The following JPH1 variants were observed in gnomAD, a reference collection of about 807,000 sequenced individuals.
JPH1 encodes junctophilin 1.
Under a neutral mutation model 53.6 loss-of-function variants are expected in JPH1, and 12 were observed. The ratio of observed to expected loss-of-function variants is 0.22; its 90% CI spans 0.14 to 0.36. JPH1 has a LOEUF of 0.36. Among genes scored for constraint, JPH1 ranks in the 10% least tolerant of loss-of-function variants. JPH1 has a pLI of 1.00. For missense variants in JPH1, 808 were observed against 905.5 expected, an observed-to-expected ratio of 0.89 and a Z score of 1.38; for synonymous variants, 375 against 363.8, an observed-to-expected ratio of 1.03 and a Z score of -0.35.
At chr8:74,268,037 T>C (rs536997272) in intron 2 of JPH1, among the ~76,000 whole-genome samples, 2 of 152,302 alleles carry the variant, frequency 1.3e-5, no homozygotes, top group South Asian at 2.1e-4. Context: ...CACCCCACTT[T>C]ATCACATGTT....
At chr8:74,295,087 C>T (rs1807466572) in intron 2 of JPH1, among the ~76,000 whole-genome samples, 1 of 152,166 alleles carries the variant, frequency 6.6e-6, no homozygotes, top group South Asian at 2.1e-4. Context: ...CAAATGAGAG[C>T]TCCTAATCCT....
At chr8:74,305,221 G>T (rs1225451118) in intron 2 of JPH1, among the ~76,000 whole-genome samples, 3 of 152,232 alleles carry the variant, frequency 2.0e-5, no homozygotes, top group Non-Finnish European at 2.9e-5. Flanking sequence ...AGTAAAGTGA[G>T]ATTGGCAGAG....
Position 74,315,430 on chromosome 8 carries a change from G to A in JPH1, c.570C>T (p.Arg190=), listed in dbSNP as rs777697509. 5 of 1,611,732 alleles carry A rather than the reference G, an allele frequency of 3.1e-6. No homozygotes were observed. The highest frequency in any genetic ancestry group is 2.2e-5 in the East Asian group (1 of 44,840). The part of the protein sequence containing the change: ...AAAADSPAGT[R]GGFVLNFHAD... ...CGTGGAAGTTGAGCACGAAACCGCC[G>A]CGGGTGCCGGCCGGGCTGTCGGCGG... Residue 190 remains arginine, a synonymous_variant, in exon 2 of 6, where the codon CGC becomes CGT. Coordinates refer to ENST00000342232, the MANE Select transcript of JPH1 (RefSeq NM_020647.4). This position sits in a 1 kb window ranked among gnomAD's most constrained non-coding sequence, Gnocchi z 6.3.
chr8:74,257,882 C>T (rs1806282669), intron 3 of JPH1, among the ~76,000 whole-genome samples: 1 of 152,114 alleles, frequency 6.6e-6, no homozygotes, highest in Non-Finnish European at 1.5e-5. Flanking sequence ...ATTCAACAAC[C>T]ACCTTGGGTC....
At chr8:74,316,158 A>G (rs1808151418) in intron 1 of JPH1, among the ~76,000 whole-genome samples, 1 of 152,238 alleles carries the variant, frequency 6.6e-6, no homozygotes. Flanking sequence ...ATTTTCTGCT[A>G]CATTCAGCAT....
At chr8:74,295,671 TC>T (rs1419969260) in intron 2 of JPH1, among the ~76,000 whole-genome samples, 4 of 152,084 alleles carry the variant, frequency 2.6e-5, no homozygotes, top group African/African-American at 9.7e-5. Flanking sequence ...TTTAATAAGG[TC>T]CCAGAGTCTT....
chr8:74,245,295 A>G lies in JPH1; in HGVS notation c.1259-120T>C, dbSNP rs1805825750. 3.6e-6 allele frequency: 3 copies of G among 827,408 alleles called. No individual in the cohort carries two copies. In the South Asian group the frequency reaches 8.4e-5, roughly 23 times the overall value. The allele number at this position is 827,408 out of a possible 1,614,324, so 51.3% of individuals were successfully genotyped here. ...TATATTCATAAGGCTTTGACTAAACACATATTTCATTCTCTGGGGAAAAGT... is the reference window on the plus strand; with the variant it reads ...TATATTCATAAGGCTTTGACTAAACGCATATTTCATTCTCTGGGGAAAAGT... On this transcript the variant is annotated intron_variant, in intron 3 of 5. Coordinates refer to ENST00000342232, the MANE Select transcript of JPH1 (RefSeq NM_020647.4).
intron 4 of JPH1, among the ~76,000 whole-genome samples, chr8:74,243,024 C>A (rs958696424): frequency 3.3e-5 from 5 of 152,172 alleles, no homozygotes; most frequent in African/African-American, 1.2e-4. Flanking sequence ...ATACACTTCC[C>A]CTTGTAGAAG....
At chr8:74,308,433 G>A (rs563216021) in intron 2 of JPH1, among the ~76,000 whole-genome samples, 1 of 152,324 alleles carries the variant, frequency 6.6e-6, no homozygotes, top group South Asian at 2.1e-4. Flanking sequence ...AATTATGAGA[G>A]CTAAGTTTCC....
intron 3 of JPH1, among the ~76,000 whole-genome samples, chr8:74,257,678 G>A (rs1806277373): frequency 6.6e-6 from 1 of 152,178 alleles, no homozygotes; most frequent in African/African-American, 2.4e-5. Flanking sequence ...CACGCCAGAG[G>A]AGAGTTTATT....
At chr8:74,277,679 G>A (rs1806887460) in intron 2 of JPH1, among the ~76,000 whole-genome samples, 1 of 152,134 alleles carries the variant, frequency 6.6e-6, no homozygotes, top group Non-Finnish European at 1.5e-5. Context: ...TCTGTGAAAC[G>A]TGAATAGTGG....
intron 3 of JPH1, among the ~76,000 whole-genome samples, chr8:74,257,282 C>G (rs1225701372): frequency 6.6e-6 from 1 of 152,166 alleles, no homozygotes; most frequent in East Asian, 1.9e-4. Flanking sequence ...GAAAGGGTGG[C>G]ATTACATTTT....
In JPH1 at chr8:74,237,316, G is replaced by A. The variant is rs1420289778; in HGVS notation, c.1906-13C>T. ...TTGAATTAGGGCCCTGAAAATGAAAGAGAACAAAGTAACTATAACTTCTCC... is the reference window on the plus strand; with the variant it reads ...TTGAATTAGGGCCCTGAAAATGAAAAAGAACAAAGTAACTATAACTTCTCC... On this transcript the variant is annotated splice_polypyrimidine_tract_variant and intron_variant, in intron 4 of 5. Transcript: ENST00000342232. The A allele has an allele frequency of 1.1e-5, 17 of 1,593,496 alleles. No homozygotes were observed. The highest frequency in any genetic ancestry group is 2.3e-5 in the South Asian group (2 of 88,434).
chr8:74,264,739 C>A (rs1270337781), intron 2 of JPH1, among the ~76,000 whole-genome samples: 1 of 152,164 alleles, frequency 6.6e-6, no homozygotes, highest in African/African-American at 2.4e-5. Flanking sequence ...ACAAATGCAT[C>A]CACAGATTCG....
At chr8:74,298,745 CCTAA>C (rs923275501) in intron 2 of JPH1, among the ~76,000 whole-genome samples, 2 of 152,174 alleles carry the variant, frequency 1.3e-5, no homozygotes, top group African/African-American at 4.8e-5. Context: ...CCACCACTTT[CCTAA>C]CTTTCCTACA....
intron 2 of JPH1, among the ~76,000 whole-genome samples, chr8:74,298,645 G>A (rs933932688): frequency 5.9e-5 from 9 of 152,158 alleles, no homozygotes; most frequent in East Asian, 1.9e-4. Context: ...GCACTGCAAC[G>A]CAAAATCCAG....
At chr8:74,257,178 A>T (rs1461977145) in intron 3 of JPH1, among the ~76,000 whole-genome samples, 1 of 152,210 alleles carries the variant, frequency 6.6e-6, no homozygotes, top group Non-Finnish European at 1.5e-5. Flanking sequence ...CTCCCCGACA[A>T]GCTCTGGTCT....
At chr8:74,289,299 C>T (rs1448078515) in intron 2 of JPH1, among the ~76,000 whole-genome samples, 1 of 152,174 alleles carries the variant, frequency 6.6e-6, no homozygotes, top group Admixed American at 6.5e-5. Context: ...TGCGTCCAAC[C>T]CACTGACACC....
At chr8:74,251,326 C>A (rs1357948657) in intron 3 of JPH1, among the ~76,000 whole-genome samples, 1 of 152,148 alleles carries the variant, frequency 6.6e-6, no homozygotes, top group East Asian at 1.9e-4. Context: ...ACAAGGAAAT[C>A]CTGTGGTTCT....
Sources: allele counts gnomAD v4.1 joint callset (sites outside exome capture counted in the v4.1 genomes callset), GRCh38; gene constraint gnomAD v4.1.1; non-coding constraint Gnocchi (gnomAD v3.1); transcripts MANE v1.5; gene names NCBI Gene and HGNC (gene_info 2026-07-23, HGNC 2026-07-21).